ICE2: variants seen among roughly 807,000 people sequenced by gnomAD.
ICE2 encodes interactor of little elongation complex ELL subunit 2, also known as little elongation complex subunit 2.
In ICE2, 87 loss-of-function variants were observed where a neutral mutation model predicts 105.4. The observed-to-expected ratio is 0.83, with a 90% CI of 0.69 to 0.99. The LOEUF is 0.99. ICE2 is among the 50% of genes least tolerant of loss of function. The pLI, the probability that ICE2 is intolerant of heterozygous loss-of-function variation, is 0.00. For synonymous variants in ICE2, 399 were observed against 392.0 expected, an observed-to-expected ratio of 1.02 and a Z score of -0.21; for missense variants, 1,323 against 1,146.7, an observed-to-expected ratio of 1.15 and a Z score of -2.22.
At chr15:60,463,982 A>G (rs1016229776) in intron 5 of ICE2, among the ~76,000 whole-genome samples, 5 of 152,194 alleles carry the variant, frequency 3.3e-5, no homozygotes, top group African/African-American at 1.2e-4. Flanking sequence ...GACCTGGACA[A>G]GAGTTACGTA....
intron 11 of ICE2, among the ~76,000 whole-genome samples, chr15:60,444,160 C>G (rs138772675): frequency 1.3e-5 from 2 of 151,818 alleles, no homozygotes; most frequent in African/African-American, 4.8e-5. Flanking sequence ...TACAGCAGAA[C>G]TGAAAAAAGT....
At chr15:60,461,419 C>T (rs1351367770) in intron 5 of ICE2, among the ~76,000 whole-genome samples, 1 of 152,002 alleles carries the variant, frequency 6.6e-6, no homozygotes, top group Non-Finnish European at 1.5e-5. Context: ...AAGAAATGCA[C>T]TTAAAATGAG....
intron 13 of ICE2, among the ~76,000 whole-genome samples, chr15:60,434,362 G>A (rs949906056): frequency 3.3e-5 from 5 of 152,068 alleles, no homozygotes; most frequent in South Asian, 2.1e-4. Flanking sequence ...GGAGTAAAAC[G>A]TTTGCTTCCC....
chr15:60,476,851 G>A (rs979382787), intron 2 of ICE2, among the ~76,000 whole-genome samples: 2 of 152,196 alleles, frequency 1.3e-5, no homozygotes, highest in Admixed American at 6.5e-5. Context: ...GTAAAATTCC[G>A]TGGAAAAGGA....
At chr15:60,458,288 C>A (rs971196971) in intron 5 of ICE2, among the ~76,000 whole-genome samples, 6 of 152,158 alleles carry the variant, frequency 3.9e-5, no homozygotes, top group African/African-American at 1.4e-4. Flanking sequence ...CCCCATCACT[C>A]ACCCACTGAG....
At chr15:60,454,387 T>C (rs375537543) in intron 8 of ICE2, among the ~76,000 whole-genome samples, 1 of 152,196 alleles carries the variant, frequency 6.6e-6, no homozygotes, top group African/African-American at 2.4e-5. Flanking sequence ...CCATTTGAGG[T>C]TGTCTACTAA....
intron 5 of ICE2, among the ~76,000 whole-genome samples, chr15:60,464,606 A>G (rs2064370434): frequency 6.6e-6 from 1 of 151,138 alleles, no homozygotes; most frequent in Non-Finnish European, 1.5e-5. Flanking sequence ...CTATGCTTGC[A>G]GTATTGAAGA....
intron 12 of ICE2, among the ~76,000 whole-genome samples, chr15:60,436,720 C>CAAAAAAAAAAAAA (rs58594280): frequency 1.1e-5 from 1 of 88,014 alleles, no homozygotes; most frequent in Non-Finnish European, 2.2e-5. Context: ...GACTCTGTCT[C>CAAAAAAAAAAAAA]AAAAAAAAAA....
chr15:60,466,902 T>C (rs1273538347), intron 4 of ICE2, among the ~76,000 whole-genome samples, 189 bp from the exon 5 acceptor site: 1 of 152,086 alleles, frequency 6.6e-6, no homozygotes, highest in Non-Finnish European at 1.5e-5. Context: ...CTCCACAAAA[T>C]AGAAAAGCAA....
At chr15:60,440,464 G>A (rs1301215286) in intron 12 of ICE2, 1 of 152,144 alleles carries the variant, frequency 6.6e-6, no homozygotes, top group Non-Finnish European at 1.5e-5. Flanking sequence ...TGCAACTAGG[G>A]AAAGTGGGGA....
Position 60,423,500 on chromosome 15 carries a change from C to T in ICE2, c.*134G>A. On this transcript the variant is annotated 3_prime_UTR_variant, in exon 16 of 16. Transcript: ENST00000261520. ...TTGAAATATTCCTTCACATAGCCAACACATTTTTTCAAGGCACTCTAGCTA... is the reference window on the plus strand; with the variant it reads ...TTGAAATATTCCTTCACATAGCCAATACATTTTTTCAAGGCACTCTAGCTA... 1 of 696,450 alleles carries T rather than the reference C, an allele frequency of 1.4e-6. No individual in the cohort carries two copies. Among genetic ancestry groups the T allele is most frequent in the Non-Finnish European group, 2.2e-6 (1 of 445,068 alleles). 43.1% of individuals were successfully genotyped at this position (696,450 alleles called of 1,614,324 possible).
chr15:60,449,823 C>T lies in ICE2; in HGVS notation c.1144G>A (p.Glu382Lys), dbSNP rs771229135. The stretch of plus-strand genomic sequence containing the variant: ...TCAAGACTCTCAATTTTTCGGCACT[C>T]GTTGACTTCACAGGACATCTTATGT... ...SEMDMSCEVNECRKIESLENL... is the reference protein window; with the variant it reads ...SEMDMSCEVNKCRKIESLENL... The change falls in exon 10 of 16, where the codon GAG becomes AAG. Residue 382 changes from glutamate (E) to lysine (K), a missense_variant. Physicochemically the swap from Glu to Lys is moderately conservative, Grantham distance 56. Coordinates refer to ENST00000261520, the MANE Select transcript of ICE2 (RefSeq NM_024611.6). 14 of 1,612,630 alleles carry T rather than the reference C, an allele frequency of 8.7e-6. No individual in the cohort carries two copies. Among genetic ancestry groups the T allele is most frequent in the East Asian group, 2.2e-5 (1 of 44,878 alleles).
chr15:60,433,463 T>C (rs1473362681), intron 13 of ICE2, among the ~76,000 whole-genome samples: 1 of 151,976 alleles, frequency 6.6e-6, no homozygotes, highest in East Asian at 1.9e-4. Context: ...TTTCTTCCTT[T>C]TCTTCTCTCT....
chr15:60,446,199 A>G (rs1186742363), intron 11 of ICE2, among the ~76,000 whole-genome samples: 2 of 152,188 alleles, frequency 1.3e-5, no homozygotes, highest in Non-Finnish European at 2.9e-5. Flanking sequence ...TGTGAATTAG[A>G]AGTTTAAGAA....
chr15:60,450,966 T>C (rs2063951033), intron 9 of ICE2: 1 of 166,680 alleles, frequency 6.0e-6, no homozygotes, highest in African/African-American at 2.4e-5. Context: ...CAACTACAGA[T>C]GCCATCAAGA....
chr15:60,468,254 G>C lies in ICE2; in HGVS notation c.215C>G (p.Thr72Ser). The C allele has an allele frequency of 1.2e-6, 2 of 1,613,564 alleles. No individual in the cohort carries two copies. The highest frequency in any genetic ancestry group is 8.5e-7 in the Non-Finnish European group (1 of 1,179,556). ...GGTTTTAACTTTTTCCTTTGCTTGA[G>C]TTGCTGAACTAACTGCCGGCTCATT... ...VENEPAVSSA[T>S]QAKEKVKTTI... The change falls in exon 4 of 16, where the codon ACT becomes AGT. Residue 72 changes from threonine to serine, a missense_variant. Thr to Ser is a moderately conservative substitution (Grantham distance 58). Transcript: ENST00000261520.
intron 15 of ICE2, among the ~76,000 whole-genome samples, chr15:60,426,999 T>A (rs1003404646): frequency 6.6e-6 from 1 of 152,214 alleles, no homozygotes; most frequent in Non-Finnish European, 1.5e-5. Context: ...TGCTAACAAG[T>A]AACTTTCTCC....
At chr15:60,439,184 A>G (rs936076281) in intron 12 of ICE2, 1 of 152,212 alleles carries the variant, frequency 6.6e-6, no homozygotes, top group African/African-American at 2.4e-5. Flanking sequence ...TACCTTTAAA[A>G]TTTTTATCAA....
At position 60,433,087 on chromosome 15, in the gene ICE2, G is replaced by GT. The variant is rs771963122; in HGVS notation, c.2511-1104dup. On this transcript the variant is annotated intron_variant, in intron 13 of 15. Coordinates refer to ENST00000261520, the MANE Select transcript of ICE2 (RefSeq NM_024611.6). ...ATAGCTAAAGGGAAATAAAACACAG[G>GT]TTTTTTTTTTTTTTTGAGACAGAGT... Among the ~76,000 whole-genome samples the GT allele has an allele frequency of 7.9e-3, 1,148 of 144,490 alleles. 4 individuals carry two copies. Among genetic ancestry groups the GT allele is most frequent in the East Asian group, 0.035 (172 of 4,902 alleles). The allele number at this position is 144,490 out of a possible 152,430, so 94.8% of individuals were successfully genotyped here. A position where few individuals can be genotyped will look rare whatever the true frequency, so the allele number is the denominator to read the frequency against.
Sources: gnomAD v4.1 joint callset for allele counts (sites outside exome capture counted in the v4.1 genomes callset) on GRCh38, gnomAD v4.1.1 for gene constraint, MANE v1.5 for transcripts, NCBI Gene and HGNC (gene_info 2026-07-23, HGNC 2026-07-21) for gene names.